Variants in EMCN observed in about 807,000 individuals in gnomAD.
EMCN encodes MUC-14.
In EMCN, 37 loss-of-function variants were observed where a neutral mutation model predicts 38.4. The observed-to-expected ratio is 0.96, with a 90% CI of 0.74 to 1.27. EMCN has a LOEUF of 1.27. Among genes scored for constraint, EMCN ranks in the 50% most tolerant of loss-of-function variants. The probability of loss-of-function intolerance (pLI) is 0.00; values close to 1 mark genes in which losing one functional copy is unlikely to be tolerated. For missense variants in EMCN, 318 were observed against 302.8 expected (o/e 1.05, Z -0.37); for synonymous variants, 95 against 100.8 (o/e 0.94, Z 0.35).
intron 1 of EMCN, among the ~76,000 whole-genome samples, chr4:100,493,921 A>T (rs1192040222): frequency 6.6e-6 from 1 of 152,178 alleles, no homozygotes; most frequent in Non-Finnish European, 1.5e-5. Flanking sequence ...AACATTGATG[A>T]CTCATACTTT....
intron 11 of EMCN, among the ~76,000 whole-genome samples, chr4:100,399,119 C>T (rs2110201919): frequency 6.6e-6 from 1 of 152,252 alleles, no homozygotes; most frequent in South Asian, 2.1e-4. Context: ...TACCATTTGC[C>T]ACTTCTTCAT....
rs569540271 is a variant in EMCN at position 100,398,009 on chromosome 4, G to A, written c.*404C>T. 255 of 151,880 alleles carry A rather than the reference G, an allele frequency of 1.7e-3. 1 individual carries two copies. The highest frequency in any genetic ancestry group is 5.9e-3 in the African/African-American group (246 of 41,422). 9.4% of individuals were successfully genotyped at this position (151,880 alleles called of 1,614,324 possible). Reference sequence around the variant, plus strand: ...TAACAGTAGGTAATATAAGAACACTGAGAAAAGTAGGAAAGTCTTCATGGA... The same window carrying A: ...TAACAGTAGGTAATATAAGAACACTAAGAAAAGTAGGAAAGTCTTCATGGA... On this transcript the variant is annotated 3_prime_UTR_variant, in exon 12 of 12. Coordinates refer to ENST00000296420, the MANE Select transcript of EMCN (RefSeq NM_016242.4).
At chr4:100,510,298 A>G (rs919494981) in intron 1 of EMCN, among the ~76,000 whole-genome samples, 2 of 152,202 alleles carry the variant, frequency 1.3e-5, no homozygotes, top group African/African-American at 4.8e-5. Flanking sequence ...AATCTGAAAG[A>G]TATTTGAGAA....
At chr4:100,445,504 A>G (rs1282773479) in intron 5 of EMCN, among the ~76,000 whole-genome samples, 1 of 152,168 alleles carries the variant, frequency 6.6e-6, no homozygotes, top group Non-Finnish European at 1.5e-5. Flanking sequence ...TGATATATTC[A>G]AAGACTGAAT....
At chr4:100,465,263 G>A (rs1469796406) in intron 4 of EMCN, among the ~76,000 whole-genome samples, 160 bp downstream of exon 4, 1 of 152,128 alleles carries the variant, frequency 6.6e-6, no homozygotes, top group East Asian at 1.9e-4. Flanking sequence ...GGGTATCACT[G>A]TAAAAGATGA....
intron 5 of EMCN, 29 bp downstream of exon 5, chr4:100,447,504 A>G (rs1157180): frequency 0.34 from 527,019 of 1,530,144 alleles, 97,938 homozygotes; most frequent in Non-Finnish European, 0.39. Flanking sequence ...TGAAAATACT[A>G]AGAGAGAGAC....
chr4:100,464,265 C>T (rs1002291166), intron 4 of EMCN, among the ~76,000 whole-genome samples: 11 of 151,588 alleles, frequency 7.3e-5, no homozygotes, highest in Non-Finnish European at 1.6e-4. Flanking sequence ...TGCTACAAAC[C>T]GCTCTTTAGT....
chr4:100,428,529 A>C (rs1203489697), intron 5 of EMCN, among the ~76,000 whole-genome samples: 2 of 152,124 alleles, frequency 1.3e-5, no homozygotes, highest in African/African-American at 2.4e-5. Context: ...CCCTGCTAGA[A>C]TATAAGAACC....
rs562014484 is a variant in EMCN at position 100,400,859 on chromosome 4, G to A, written c.*40-2486C>T. On this transcript the variant is annotated intron_variant, in intron 11 of 11. Transcript: ENST00000296420. ...TCTTGCTTCATTAATGATTCTTTACGTCCATACCAATATCAGTCTTTGCTT... is the reference window on the plus strand; with the variant it reads ...TCTTGCTTCATTAATGATTCTTTACATCCATACCAATATCAGTCTTTGCTT... Among the ~76,000 whole-genome samples the A allele has an allele frequency of 5.3e-5, 8 of 151,912 alleles. No individual in the cohort carries two copies. The South Asian group carries it at 6.2e-4, about 12-fold the overall frequency.
chr4:100,400,594 G>C lies in EMCN; in HGVS notation c.*40-2221C>G, dbSNP rs150151335. 3.9e-5 allele frequency among the ~76,000 whole-genome samples: 6 copies of C among 152,192 alleles called. No homozygotes were observed. The East Asian group carries it at 1.2e-3, about 29-fold the overall frequency. ...TTATATCTGGGATAGTACTTGACAA[G>C]GATTAAGGTCTGCCACTTTTTGTTC... On this transcript the variant is annotated intron_variant, in intron 11 of 11. Transcript: ENST00000296420.
intron 4 of EMCN, among the ~76,000 whole-genome samples, chr4:100,463,501 A>G (rs1728238244): frequency 6.6e-6 from 1 of 152,188 alleles, no homozygotes; most frequent in Admixed American, 6.6e-5. Flanking sequence ...TATAAAAAAT[A>G]TGATTTACAC....
intron 5 of EMCN, among the ~76,000 whole-genome samples, chr4:100,427,223 G>C (rs1054151851): frequency 9.2e-5 from 14 of 151,366 alleles, no homozygotes; most frequent in African/African-American, 3.4e-4. Context: ...TTTCTTTTTC[G>C]TCTCCTTGGT....
intron 1 of EMCN, among the ~76,000 whole-genome samples, chr4:100,485,119 T>C (rs965872429): frequency 2.6e-5 from 4 of 152,150 alleles, no homozygotes; most frequent in African/African-American, 9.7e-5. Flanking sequence ...GTCTTATAAA[T>C]GTCAAATGCC....
chr4:100,455,693 T>C (rs547134155), intron 4 of EMCN, among the ~76,000 whole-genome samples: 1 of 152,194 alleles, frequency 6.6e-6, no homozygotes, highest in South Asian at 2.1e-4. Flanking sequence ...GATTATGATG[T>C]GCTTTGGTGT....
rs922429850 is a variant in EMCN, at chr4:100,436,737, T to C, written c.415+10796A>G. Among the ~76,000 whole-genome samples the C allele has an allele frequency of 1.4e-4, 22 of 152,250 alleles. No homozygotes were observed. In the Middle Eastern group the frequency reaches 0.01, roughly 71 times the overall value. Reference sequence around the variant, plus strand: ...GGACATGGATGGAGCTGGAAGCCATTATCCTCAGCAAACGAATGCAGAAAC... The same window carrying C: ...GGACATGGATGGAGCTGGAAGCCATCATCCTCAGCAAACGAATGCAGAAAC... On this transcript the variant is annotated intron_variant, in intron 5 of 11. Transcript: ENST00000296420.
chr4:100,404,855 G>A (rs541193363), intron 11 of EMCN, among the ~76,000 whole-genome samples: 145 of 152,150 alleles, frequency 9.5e-4, no homozygotes, highest in African/African-American at 3.2e-3. Flanking sequence ...AACATGCAAT[G>A]TTTTTCCATT....
intron 1 of EMCN, among the ~76,000 whole-genome samples, chr4:100,483,687 C>G (rs1728872324): frequency 6.6e-6 from 1 of 152,086 alleles, no homozygotes; most frequent in Non-Finnish European, 1.5e-5. Flanking sequence ...GAAACTTTGT[C>G]TTACCATGTG....
chr4:100,494,158 G>T (rs1384900561), intron 1 of EMCN, among the ~76,000 whole-genome samples: 1 of 152,132 alleles, frequency 6.6e-6, no homozygotes. Context: ...ATGATTGTCT[G>T]ATTTTTGATT....
rs1242100643 is a variant in EMCN, at chr4:100,479,980, T to G, written c.124A>C (p.Thr42Pro). The change falls in exon 2 of 12, where the codon ACA (threonine) becomes CCA (proline). Residue 42 changes from threonine (T) to proline (P), a missense_variant. Physicochemically the swap from Thr to Pro is conservative, Grantham distance 38 (BLOSUM62 -1). Transcript: ENST00000296420. ...TTCTGTAATGATTCTGTGTTTGGTGTTGTTATAGATGGTTTTGTTGTAGTA... is the reference window on the plus strand; with the variant it reads ...TTCTGTAATGATTCTGTGTTTGGTGGTGTTATAGATGGTTTTGTTGTAGTA... ...VVTTTKPSIT[T>P]PNTESLQKNV... 1.9e-6 allele frequency: 3 copies of G among 1,608,552 alleles called. No homozygotes were observed. Among genetic ancestry groups the G allele is most frequent in the Admixed American group, 1.7e-5 (1 of 58,770 alleles).
Sources: allele counts gnomAD v4.1 joint callset (sites outside exome capture counted in the v4.1 genomes callset), GRCh38; gene constraint gnomAD v4.1.1; transcripts MANE v1.5; gene names NCBI Gene and HGNC (gene_info 2026-07-23, HGNC 2026-07-21).